Variants in GDPD4 observed in about 807,000 individuals in gnomAD.
GDPD4 encodes glycerophosphodiester phosphodiesterase domain containing 4.
GDPD4 carries 60 observed loss-of-function variants against 67.8 expected under a neutral mutation model. The ratio of observed to expected loss-of-function variants is 0.88; its 90% CI spans 0.72 to 1.10. The LOEUF (loss-of-function observed/expected upper bound fraction) is 1.10. GDPD4 is among the 50% of genes least tolerant of loss of function. The pLI, the probability that GDPD4 is intolerant of heterozygous loss-of-function variation, is 0.00. For synonymous variants in GDPD4, 212 were observed against 210.9 expected (o/e 1.00, Z -0.04); for missense variants, 623 against 613.9 (o/e 1.01, Z -0.16).
In GDPD4 at chr11:77,301,636, C is replaced by A. The variant is rs1336348640; in HGVS notation, c.-285G>T. On this transcript the variant is annotated 5_prime_UTR_variant, in exon 1 of 17. Coordinates refer to ENST00000315938, the MANE Select transcript of GDPD4 (RefSeq NM_182833.3). Reference sequence around the variant, plus strand: ...TTCCCAGTCCCAACCCAAATCCAATCTTCACGCCTGAGGAGACCAGCGTCT... The same window carrying A: ...TTCCCAGTCCCAACCCAAATCCAATATTCACGCCTGAGGAGACCAGCGTCT... The A allele has an allele frequency of 6.6e-6, 1 of 152,136 alleles. No homozygotes were observed. The highest frequency in any genetic ancestry group is 1.5e-5 in the Non-Finnish European group (1 of 68,054). 9.4% of individuals were successfully genotyped at this position (152,136 alleles called of 1,614,324 possible).
rs1555115865 is a variant in GDPD4 at position 77,235,007 on chromosome 11, C to CTGTTTTT, written c.1242-1842_1242-1836dup. 8.6e-3 allele frequency among the ~76,000 whole-genome samples: 282 copies of CTGTTTTT among 32,864 alleles called. 9 individuals carry two copies. The highest frequency in any genetic ancestry group is 0.025 in the African/African-American group (274 of 10,812). The allele number at this position is 32,864 out of a possible 152,430, so 21.6% of individuals were successfully genotyped here. On this transcript the variant is annotated intron_variant, in intron 13 of 16. Coordinates refer to ENST00000315938, the MANE Select transcript of GDPD4 (RefSeq NM_182833.3). ...CTTCTCTCTGCAACCTTGTCAATAT[C>CTGTTTTT]TGTTTTTTTTTTTTTTTTTTTTTTT...
At chr11:77,236,880 A>G (rs538503573) in intron 13 of GDPD4, among the ~76,000 whole-genome samples, 1 of 152,328 alleles carries the variant, frequency 6.6e-6, no homozygotes, top group East Asian at 1.9e-4. Context: ...GAAAGAAGGA[A>G]TAAGTCTTGA....
chr11:77,278,242 C>T (rs117059066), intron 4 of GDPD4, among the ~76,000 whole-genome samples: 2,713 of 152,286 alleles, frequency 0.018, 37 homozygotes, highest in Non-Finnish European at 0.031. Flanking sequence ...AGGCATGAGC[C>T]ACAGTGCCTG....
Position 77,245,347 on chromosome 11 carries a change from A to G in GDPD4, c.1020T>C (p.Pro340=). 1 of 1,614,166 alleles carries G rather than the reference A, an allele frequency of 6.2e-7. No individual in the cohort carries two copies. The highest frequency in any genetic ancestry group is 8.5e-7 in the Non-Finnish European group (1 of 1,180,024). Residue 340 remains proline, a synonymous_variant, in exon 12 of 17, where the codon CCT becomes CCC. Coordinates refer to ENST00000315938, the MANE Select transcript of GDPD4 (RefSeq NM_182833.3). The part of the protein sequence containing the change: ...FDLHRPPPKH[P]LRHTFVRQVV... Reference sequence around the variant, plus strand: ...CTTGGCGGACAAATGTGTGTCTGAGAGGATGTTTTGGTGGAGGGCGATGAA... The same window carrying G: ...CTTGGCGGACAAATGTGTGTCTGAGGGGATGTTTTGGTGGAGGGCGATGAA...
intron 9 of GDPD4, 107 bp downstream of exon 9, chr11:77,268,817 T>C (rs553089786): frequency 8.7e-7 from 1 of 1,150,002 alleles, no homozygotes; most frequent in South Asian, 1.5e-5. Flanking sequence ...GCCATCTTAA[T>C]GCAATCACTT....
intron 16 of GDPD4, among the ~76,000 whole-genome samples, chr11:77,226,041 A>G (rs556996826): frequency 6.6e-6 from 1 of 152,200 alleles, no homozygotes; most frequent in Non-Finnish European, 1.5e-5. Flanking sequence ...GAGCTCTTAA[A>G]AACAGAAAAT....
chr11:77,243,862 CAA>C lies in GDPD4; in HGVS notation c.1087-16_1087-15del. ...CAACCAAAAAATCTCTAAGGAGAAACAAGAAGTCCCTCAGTAGATAATCAGCT... is the reference window on the plus strand; with the variant it reads ...CAACCAAAAAATCTCTAAGGAGAAACGAAGTCCCTCAGTAGATAATCAGCT... On this transcript the variant is annotated splice_polypyrimidine_tract_variant and intron_variant, in intron 12 of 16. Coordinates refer to ENST00000315938, the MANE Select transcript of GDPD4 (RefSeq NM_182833.3). 3 of 1,604,804 alleles carry C rather than the reference CAA, an allele frequency of 1.9e-6. No homozygotes were observed. The highest frequency in any genetic ancestry group is 2.6e-6 in the Non-Finnish European group (3 of 1,172,968).
chr11:77,256,103 T>A (rs1958999352), intron 11 of GDPD4, among the ~76,000 whole-genome samples: 1 of 152,220 alleles, frequency 6.6e-6, no homozygotes, highest in East Asian at 1.9e-4. Flanking sequence ...TTAAAATTCA[T>A]CAACTCTACT....
At chr11:77,264,877 A>G (rs1959171110) in intron 10 of GDPD4, among the ~76,000 whole-genome samples, 1 of 152,166 alleles carries the variant, frequency 6.6e-6, no homozygotes, top group Non-Finnish European at 1.5e-5. Flanking sequence ...AACTGCAGAC[A>G]CAGGAGAAGC....
chr11:77,276,157 C>T lies in GDPD4; in HGVS notation c.207+4G>A. ...GGTTTCCTATGTGGACTCAGATGTCCTACCTTATGACACAAGTGCAGGTAT... is the reference window on the plus strand; with the variant it reads ...GGTTTCCTATGTGGACTCAGATGTCTTACCTTATGACACAAGTGCAGGTAT... On this transcript the variant is annotated splice_donor_region_variant and intron_variant, in intron 5 of 16. Transcript: ENST00000315938. 1 of 1,610,868 alleles carries T rather than the reference C, an allele frequency of 6.2e-7. No homozygotes were observed. The highest frequency in any genetic ancestry group is 8.5e-7 in the Non-Finnish European group (1 of 1,177,052).
intron 1 of GDPD4, among the ~76,000 whole-genome samples, chr11:77,288,212 C>G (rs1960072100): frequency 6.6e-6 from 1 of 152,126 alleles, no homozygotes; most frequent in Admixed American, 6.5e-5. Context: ...CCTGGGAGAC[C>G]AAAGATTGGC....
chr11:77,276,133 G>A (rs375884855), intron 5 of GDPD4, 28 bp downstream of exon 5: 62 of 1,577,382 alleles, frequency 3.9e-5, no homozygotes, highest in Non-Finnish European at 5.1e-5. Context: ...CTGGTCTAAG[G>A]TTTCCTATGT....
intron 11 of GDPD4, among the ~76,000 whole-genome samples, chr11:77,250,157 A>G (rs772747207): frequency 1.2e-4 from 18 of 152,154 alleles, no homozygotes; most frequent in Admixed American, 3.9e-4. Context: ...GGTATATTGC[A>G]TGATGCTGAG....
intron 5 of GDPD4, among the ~76,000 whole-genome samples, chr11:77,273,428 C>T (rs1263872298): frequency 6.6e-6 from 1 of 152,154 alleles, no homozygotes; most frequent in East Asian, 1.9e-4. Context: ...AATCACCCTG[C>T]ACTTTTCATT....
chr11:77,247,165 T>C (rs549290867), intron 11 of GDPD4, among the ~76,000 whole-genome samples: 2 of 152,138 alleles, frequency 1.3e-5, no homozygotes, highest in African/African-American at 4.8e-5. Context: ...GGCAGATCAT[T>C]GCTAGGCCAG....
At chr11:77,225,090 G>GT (rs1211774035) in intron 16 of GDPD4, among the ~76,000 whole-genome samples, 2 of 152,006 alleles carry the variant, frequency 1.3e-5, no homozygotes, top group East Asian at 3.9e-4. Context: ...GGGCGAAAGA[G>GT]TGAGACCTTG....
chr11:77,249,941 C>T (rs1958855702), intron 11 of GDPD4, among the ~76,000 whole-genome samples: 1 of 152,154 alleles, frequency 6.6e-6, no homozygotes, highest in African/African-American at 2.4e-5. Flanking sequence ...ACTGATCATT[C>T]AGAAGCACGT....
chr11:77,286,669 C>G (rs1960009634), intron 2 of GDPD4, among the ~76,000 whole-genome samples: 1 of 152,214 alleles, frequency 6.6e-6, no homozygotes, highest in Non-Finnish European at 1.5e-5. Context: ...TACCATGTAG[C>G]TCACCAAAGG....
At chr11:77,220,119 G>A (rs1057147470) in intron 16 of GDPD4, among the ~76,000 whole-genome samples, 3 of 152,158 alleles carry the variant, frequency 2.0e-5, no homozygotes, top group Non-Finnish European at 4.4e-5. Flanking sequence ...TGAGACGATG[G>A]GGTTTTCTAA....
Sources: gnomAD v4.1 joint callset for allele counts (sites outside exome capture counted in the v4.1 genomes callset) on GRCh38, gnomAD v4.1.1 for gene constraint, MANE v1.5 for transcripts, NCBI Gene and HGNC (gene_info 2026-07-23, HGNC 2026-07-21) for gene names.